The following SETBP1 variants were observed in gnomAD, a reference collection of about 807,000 sequenced individuals.
SETBP1 encodes the protein SET-binding protein.
Under a neutral mutation model 101.0 loss-of-function variants are expected in SETBP1, and 9 were observed. The ratio of observed to expected loss-of-function variants is 0.09; its 90% CI spans 0.05 to 0.16. The LOEUF is 0.16. Among genes scored for constraint, SETBP1 ranks in the 10% least tolerant of loss-of-function variants. The probability of loss-of-function intolerance (pLI) is 1.00; values close to 1 mark genes in which losing one functional copy is unlikely to be tolerated. For missense variants in SETBP1, 1,858 were observed against 2,033.8 expected, an observed-to-expected ratio of 0.91 and a Z score of 1.66; for synonymous variants, 818 against 788.5, an observed-to-expected ratio of 1.04 and a Z score of -0.63.
At chr18:44,756,640 T>A (rs1024839561) in intron 2 of SETBP1, among the ~76,000 whole-genome samples, 4 of 152,180 alleles carry the variant, frequency 2.6e-5, no homozygotes, top group African/African-American at 9.7e-5. Context: ...TTTGGATGTG[T>A]CTCTCACACC....
At chr18:44,803,849 A>G (rs1030411734) in intron 2 of SETBP1, among the ~76,000 whole-genome samples, 6 of 152,178 alleles carry the variant, frequency 3.9e-5, no homozygotes, top group Non-Finnish European at 8.8e-5. Context: ...TACTGTTTTC[A>G]GGAAGAAAAC....
chr18:44,695,834 C>T (rs2069005997), intron 1 of SETBP1, among the ~76,000 whole-genome samples: 1 of 150,346 alleles, frequency 6.7e-6, no homozygotes. Flanking sequence ...AAATAATAAG[C>T]TAGTGAAGTA....
At chr18:44,857,487 G>T (rs534916142) in intron 2 of SETBP1, among the ~76,000 whole-genome samples, 1 of 152,290 alleles carries the variant, frequency 6.6e-6, no homozygotes, top group South Asian at 2.1e-4. Context: ...GCTCAAGGTT[G>T]CACTTTTAGT....
At chr18:44,683,356 T>TG (rs1268667394) in intron 1 of SETBP1, among the ~76,000 whole-genome samples, 1 of 152,144 alleles carries the variant, frequency 6.6e-6, no homozygotes, top group African/African-American at 2.4e-5. Context: ...AAATGAGGGT[T>TG]GGGGAAAAAG....
chr18:44,739,686 C>G lies in SETBP1; in HGVS notation c.486+37854C>G, dbSNP rs753000142. ...TGAAAGGATAATTTTGGTTATTCAA[C>G]TTGTATCAAATGAATGACAGATACA... is the stretch of plus-strand genomic sequence containing the variant. On this transcript the variant is annotated intron_variant, in intron 2 of 5. Coordinates refer to ENST00000649279, the MANE Select transcript of SETBP1 (RefSeq NM_015559.3). Among the ~76,000 whole-genome samples, 100 of 152,146 alleles carry G rather than the reference C, an allele frequency of 6.6e-4. 1 individual carries two copies. The highest frequency in any genetic ancestry group is 1.8e-4 in the Non-Finnish European group (12 of 68,036).
intron 4 of SETBP1, among the ~76,000 whole-genome samples, chr18:44,972,953 C>T (rs542094075): frequency 1.3e-5 from 2 of 152,276 alleles, no homozygotes; most frequent in Admixed American, 6.5e-5. Context: ...CTGTCTTGTG[C>T]CAGTTTTCAA....
intron 4 of SETBP1, among the ~76,000 whole-genome samples, chr18:45,021,911 A>T (rs547579983): frequency 9.0e-4 from 137 of 152,300 alleles, no homozygotes; most frequent in African/African-American, 3.1e-3. Context: ...CTAATGTAGA[A>T]TTTGTCCAAT....
intron 4 of SETBP1, among the ~76,000 whole-genome samples, chr18:44,995,529 TTGTGTGTGTGTG>T (rs60256060): frequency 5.0e-4 from 72 of 142,970 alleles, no homozygotes; most frequent in Non-Finnish European, 8.5e-4. Flanking sequence ...GTCCAGGCTT[TTGTGTGTGTGTG>T]TGTGTGTGTG....
intron 3 of SETBP1, among the ~76,000 whole-genome samples, chr18:44,910,539 T>C (rs1166717289): frequency 6.6e-6 from 1 of 152,170 alleles, no homozygotes; most frequent in Non-Finnish European, 1.5e-5. Flanking sequence ...CAGGCAAAGA[T>C]ATGAGCAATG....
At chr18:44,787,233 T>C (rs2071257708) in intron 2 of SETBP1, among the ~76,000 whole-genome samples, 1 of 152,214 alleles carries the variant, frequency 6.6e-6, no homozygotes, top group Admixed American at 6.5e-5. Flanking sequence ...TATGGTGATA[T>C]AGCTTAATTC....
At chr18:44,960,822 C>T (rs1297151804) in intron 4 of SETBP1, among the ~76,000 whole-genome samples, 1 of 152,192 alleles carries the variant, frequency 6.6e-6, no homozygotes, top group Non-Finnish European at 1.5e-5. Context: ...TGCCCTTCCT[C>T]CTCCACCCTC....
intron 5 of SETBP1, among the ~76,000 whole-genome samples, chr18:45,047,672 C>T (rs1187918269): frequency 2.0e-5 from 3 of 152,158 alleles, no homozygotes; most frequent in African/African-American, 4.8e-5. Context: ...TTCATTGCTG[C>T]AGAAATGGTC....
chr18:44,695,001 G>T (rs1050347573), intron 1 of SETBP1, among the ~76,000 whole-genome samples: 3 of 152,096 alleles, frequency 2.0e-5, no homozygotes, highest in Non-Finnish European at 2.9e-5. Context: ...AAGAAAGATT[G>T]CAGGGATACA....
intron 4 of SETBP1, among the ~76,000 whole-genome samples, chr18:44,982,378 T>A (rs1486156217): frequency 1.3e-5 from 2 of 152,238 alleles, no homozygotes; most frequent in Non-Finnish European, 2.9e-5. Context: ...CAGAGCTCCA[T>A]GCTTCCACAT....
At chr18:44,807,777 AGAG>A (rs895689044) in intron 2 of SETBP1, among the ~76,000 whole-genome samples, 4 of 152,170 alleles carry the variant, frequency 2.6e-5, no homozygotes, top group African/African-American at 4.8e-5. Flanking sequence ...TTCCAGCCTC[AGAG>A]GAGACCAAAG....
intron 3 of SETBP1, among the ~76,000 whole-genome samples, chr18:44,927,415 A>G (rs2070730031): frequency 6.6e-6 from 1 of 152,154 alleles, no homozygotes; most frequent in African/African-American, 2.4e-5. Context: ...CCCTCACCCC[A>G]AAGCACTGCT....
chr18:44,847,403 A>G (rs1044717985), intron 2 of SETBP1, among the ~76,000 whole-genome samples: 1 of 152,196 alleles, frequency 6.6e-6, no homozygotes, highest in Non-Finnish European at 1.5e-5. Flanking sequence ...TGAGTGAAGG[A>G]ATCCAGGGTC....
intron 5 of SETBP1, among the ~76,000 whole-genome samples, chr18:45,044,188 A>C (rs2073564822): frequency 6.6e-6 from 1 of 152,212 alleles, no homozygotes; most frequent in Non-Finnish European, 1.5e-5. Context: ...GACCATAAAT[A>C]TATACATTGA....
chr18:44,810,252 A>G (rs2071833494), intron 2 of SETBP1, among the ~76,000 whole-genome samples: 1 of 152,220 alleles, frequency 6.6e-6, no homozygotes, highest in African/African-American at 2.4e-5. Flanking sequence ...ATAGTACTGG[A>G]TCTGGGCCTC....
Sources: allele counts gnomAD v4.1 joint callset (sites outside exome capture counted in the v4.1 genomes callset), GRCh38; gene constraint gnomAD v4.1.1; transcripts MANE v1.5; gene names NCBI Gene and HGNC (gene_info 2026-07-23, HGNC 2026-07-21).